The following FRMD6 variants were observed in gnomAD, a reference collection of about 807,000 sequenced individuals.
FRMD6 encodes FERM domain containing 6.
In FRMD6, 37 loss-of-function variants were observed where a neutral mutation model predicts 73.2. The observed-to-expected ratio is 0.51, with a 90% confidence interval of 0.39 to 0.66. FRMD6 has a LOEUF of 0.66. FRMD6 is among the 30% of genes least tolerant of loss of function. The pLI is 0.00. For synonymous variants in FRMD6, 273 were observed against 282.2 expected, an observed-to-expected ratio of 0.97 and a Z score of 0.33; for missense variants, 714 against 780.5, an observed-to-expected ratio of 0.91 and a Z score of 1.02.
chr14:51,675,323 C>T (rs1347166457), intron 1 of FRMD6, among the ~76,000 whole-genome samples: 1 of 152,062 alleles, frequency 6.6e-6, no homozygotes, highest in Non-Finnish European at 1.5e-5. Flanking sequence ...TAACAGAAGG[C>T]ACCTTGGTCT....
intron 3 of FRMD6, among the ~76,000 whole-genome samples, chr14:51,699,945 T>C (rs570478326): frequency 6.6e-6 from 1 of 151,924 alleles, no homozygotes; most frequent in South Asian, 2.1e-4. Flanking sequence ...ATTCCTTTTT[T>C]TGTCTCTGGG....
chr14:51,711,108 A>G (rs1896921227), intron 7 of FRMD6, among the ~76,000 whole-genome samples: 1 of 152,216 alleles, frequency 6.6e-6, no homozygotes, highest in African/African-American at 2.4e-5. Context: ...ATCTCAGAAT[A>G]TAACTATTAC....
chr14:51,536,317 C>T (rs1187870825), intron 1 of FRMD6, among the ~76,000 whole-genome samples: 1 of 151,978 alleles, frequency 6.6e-6, no homozygotes, highest in Non-Finnish European at 1.5e-5. Context: ...ATCTTGAACT[C>T]CTGGCCCCAA....
At chr14:51,672,530 G>C (rs1894082492) in intron 1 of FRMD6, among the ~76,000 whole-genome samples, 1 of 152,244 alleles carries the variant, frequency 6.6e-6, no homozygotes, top group Admixed American at 6.5e-5. Flanking sequence ...GCATTGACAT[G>C]GTTAAATTCC....
chr14:51,430,414 CT>C, the FRMD6 span, among the ~76,000 whole-genome samples: 13 of 152,282 alleles, frequency 8.5e-5, no homozygotes, highest in East Asian at 2.3e-3. Flanking sequence ...AGCAGAAGAT[CT>C]AACCCACTGC....
chr14:51,473,897 C>T, the FRMD6 span, among the ~76,000 whole-genome samples: 1 of 151,974 alleles, frequency 6.6e-6, no homozygotes, highest in Admixed American at 6.5e-5. Context: ...GCTATCCCAG[C>T]ATTCTCAAAG....
At chr14:51,454,912 C>A in the FRMD6 span, 12 of 152,030 alleles carry the variant, frequency 7.9e-5, no homozygotes, top group Non-Finnish European at 1.6e-4. Flanking sequence ...TATGATCATC[C>A]CATGAATTGA....
At chr14:51,498,453 C>A (rs559474435) in intron 1 of FRMD6, among the ~76,000 whole-genome samples, 1 of 152,128 alleles carries the variant, frequency 6.6e-6, no homozygotes, top group Admixed American at 6.5e-5. Context: ...GTGATTCCGA[C>A]GCTTAGTGAC....
chr14:51,524,539 G>T (rs1208419610), intron 1 of FRMD6, among the ~76,000 whole-genome samples: 8 of 151,494 alleles, frequency 5.3e-5, no homozygotes, highest in Admixed American at 6.6e-5. Flanking sequence ...TTTATGACGG[G>T]GGGGGTCTCT....
intron 2 of FRMD6, among the ~76,000 whole-genome samples, chr14:51,694,323 A>G (rs553226757): frequency 1.3e-5 from 2 of 152,252 alleles, no homozygotes; most frequent in Admixed American, 6.5e-5. Flanking sequence ...CTTTTTTTCT[A>G]GAGTATATTT....
chr14:51,508,564 C>T (rs895135456), intron 1 of FRMD6, among the ~76,000 whole-genome samples: 2 of 152,092 alleles, frequency 1.3e-5, no homozygotes, highest in African/African-American at 2.4e-5. Context: ...ATGGAGGAAA[C>T]GTAAAATACA....
intron 1 of FRMD6, among the ~76,000 whole-genome samples, chr14:51,515,853 G>A (rs1257045144): frequency 1.3e-5 from 2 of 152,120 alleles, no homozygotes; most frequent in South Asian, 2.1e-4. Context: ...AGCCAATGAG[G>A]TTTGAATCCA....
the FRMD6 span, among the ~76,000 whole-genome samples, chr14:51,438,468 G>A: frequency 6.6e-6 from 1 of 152,178 alleles, no homozygotes; most frequent in Non-Finnish European, 1.5e-5. Flanking sequence ...TTTTCTCTCA[G>A]CATAGATATG....
intron 2 of FRMD6, among the ~76,000 whole-genome samples, chr14:51,612,440 C>T (rs977842633): frequency 6.6e-6 from 1 of 152,182 alleles, no homozygotes; most frequent in African/African-American, 2.4e-5. Context: ...GGGAAAGATG[C>T]CTAGGCCAAC....
intron 2 of FRMD6, among the ~76,000 whole-genome samples, chr14:51,610,316 CTTTTTTTAATCCCTT>C (rs909555723): frequency 1.5e-5 from 2 of 129,952 alleles, no homozygotes; most frequent in Non-Finnish European, 3.2e-5. Context: ...CCATCCTATT[CTTTTTTTAATCCCTT>C]TTTTTTTAAA....
At chr14:51,630,073 C>T (rs1891279434) in intron 2 of FRMD6, among the ~76,000 whole-genome samples, 2 of 152,114 alleles carry the variant, frequency 1.3e-5, no homozygotes, top group Admixed American at 6.6e-5. Context: ...CTAAGCCTCT[C>T]ATGGCCTATG....
intron 13 of FRMD6, 52 bp from the exon 14 acceptor site, chr14:51,727,693 A>G (rs1898053627): frequency 6.6e-7 from 1 of 1,518,920 alleles, no homozygotes; most frequent in African/African-American, 1.4e-5. Context: ...TTACAAGGCA[A>G]ATATTCTAAC....
At chr14:51,531,684 T>TCAAG (rs1191216605) in intron 1 of FRMD6, among the ~76,000 whole-genome samples, 4 of 152,338 alleles carry the variant, frequency 2.6e-5, no homozygotes, top group East Asian at 3.9e-4. Flanking sequence ...ACAACTATTA[T>TCAAG]CAAGTTCAGT....
the FRMD6 span, among the ~76,000 whole-genome samples, chr14:51,471,958 C>T: frequency 6.6e-6 from 1 of 152,312 alleles, no homozygotes; most frequent in South Asian, 2.1e-4. Flanking sequence ...CATGTGAGGA[C>T]ACACTGTCCA....
Sources: allele counts gnomAD v4.1 joint callset (sites outside exome capture counted in the v4.1 genomes callset), GRCh38; gene constraint gnomAD v4.1.1; transcripts MANE v1.5; gene names NCBI Gene and HGNC (gene_info 2026-07-23, HGNC 2026-07-21).